AGAP6: variants seen among roughly 807,000 people sequenced by gnomAD.
AGAP6 encodes the protein ArfGAP with GTPase domain, ankyrin repeat and PH domain 6.
AGAP6 carries 29 observed loss-of-function variants against 63.9 expected under a neutral mutation model. The observed-to-expected ratio is 0.45, with a 90% CI of 0.34 to 0.62. The LOEUF (loss-of-function observed/expected upper bound fraction) is 0.62, where lower values mean the gene tolerates loss of function less well. AGAP6 is among the 20% of genes least tolerant of loss of function. The probability of loss-of-function intolerance (pLI) is 0.01; values close to 1 mark genes in which losing one functional copy is unlikely to be tolerated. For missense variants in AGAP6, 493 were observed against 884.9 expected (o/e 0.56, Z 5.62); for synonymous variants, 199 against 332.9 (o/e 0.60, Z 4.38).
intron 6 of AGAP6, among the ~76,000 whole-genome samples, chr10:50,005,299 C>G (rs1265201422): frequency 6.6e-6 from 1 of 152,200 alleles, no homozygotes; most frequent in African/African-American, 2.4e-5. Context: ...CTAGAGCTTT[C>G]TTTGCAATTT....
chr10:49,995,648 T>C (rs1475123939), intron 4 of AGAP6, among the ~76,000 whole-genome samples: 1 of 152,176 alleles, frequency 6.6e-6, no homozygotes, highest in Admixed American at 6.5e-5. Context: ...TTAAAGTCTT[T>C]TGGGATCTCA....
intron 3 of AGAP6, 143 bp from the exon 4 acceptor site, chr10:49,994,252 T>C (rs1312658984): frequency 9.9e-7 from 1 of 1,005,618 alleles, no homozygotes; most frequent in Non-Finnish European, 1.3e-6. Context: ...TGCCAGATAA[T>C]TTAAATTATA....
chr10:50,001,616 TC>T (rs1467549860), intron 4 of AGAP6, among the ~76,000 whole-genome samples: 122 of 114,494 alleles, frequency 1.1e-3, no homozygotes, highest in African/African-American at 3.3e-3. Context: ...AGACGGGGTT[TC>T]ACCATGTTAG....
rs1564704282 is a variant in AGAP6 at position 49,988,910 on chromosome 10, C to G, written c.195C>G (p.His65Gln). The G allele has an allele frequency of 1.3e-6, 2 of 1,599,426 alleles. No individual in the cohort carries two copies. The change falls in exon 1 of 8, where the codon CAC becomes CAG. Residue 65 changes from histidine to glutamine, a missense_variant. This residue lies in a region of AGAP6 where 342 missense variants were observed against 533.4 expected (regional missense o/e 0.64). Coordinates refer to ENST00000412531, the MANE Select transcript of AGAP6 (RefSeq NM_001077665.3). ...AAGTTGGTGAGGACCTCCACATGCA[C>G]CACGTTCGTGACCGGGAGATGCCTG... ...TVEVGEDLHM[H>Q]HVRDREMPEA... is the part of the protein sequence containing the mutation.
At chr10:50,001,272 G>A (rs1476463873) in intron 4 of AGAP6, among the ~76,000 whole-genome samples, 1 of 150,778 alleles carries the variant, frequency 6.6e-6, no homozygotes, top group Non-Finnish European at 1.5e-5. Context: ...GGAGCTTGCA[G>A]TGAGCCGAGA....
intron 4 of AGAP6, among the ~76,000 whole-genome samples, chr10:49,999,241 A>G (rs1382830829): frequency 7.4e-6 from 1 of 134,708 alleles, no homozygotes; most frequent in Non-Finnish European, 1.6e-5. Context: ...CTCCATCTCA[A>G]AAAAAAAAAA....
chr10:49,989,668 A>G (rs542318496), intron 2 of AGAP6, among the ~76,000 whole-genome samples: 2 of 152,214 alleles, frequency 1.3e-5, no homozygotes, highest in East Asian at 3.9e-4. Flanking sequence ...GCTATATGGT[A>G]TTCTTAATGG....
chr10:49,999,152 C>A lies in AGAP6; in HGVS notation c.397-2844C>A, dbSNP rs578164384. ...ACTCAGGTGGCTGAGGCAGGAGAAT[C>A]GCTTGAACCTCGGAGGCAGAGGTTG... On this transcript the variant is annotated intron_variant, in intron 4 of 7. Coordinates refer to ENST00000412531, the MANE Select transcript of AGAP6 (RefSeq NM_001077665.3). Among the ~76,000 whole-genome samples, 6 of 136,920 alleles carry A rather than the reference C, an allele frequency of 4.4e-5. 1 individual carries two copies. Among genetic ancestry groups the A allele is most frequent in the Non-Finnish European group, 9.2e-5 (6 of 65,238 alleles). 89.8% of individuals were successfully genotyped at this position (136,920 alleles called of 152,430 possible).
chr10:49,990,606 G>T (rs1417288059), intron 2 of AGAP6, among the ~76,000 whole-genome samples: 1 of 152,150 alleles, frequency 6.6e-6, no homozygotes, highest in Non-Finnish European at 1.5e-5. Flanking sequence ...GTAATAATAT[G>T]GTTCTTGAAT....
chr10:49,998,994 A>G (rs1174336450), intron 4 of AGAP6, among the ~76,000 whole-genome samples: 2 of 141,350 alleles, frequency 1.4e-5, no homozygotes, highest in African/African-American at 5.4e-5. Context: ...GAGACGGATC[A>G]TGAGGTCAGG....
chr10:49,999,145 G>A (rs1211192352), intron 4 of AGAP6, among the ~76,000 whole-genome samples: 2 of 137,280 alleles, frequency 1.5e-5, no homozygotes, highest in Non-Finnish European at 3.1e-5. Context: ...GGCTGAGGCA[G>A]GAGAATCGCT....
At chr10:50,001,404 T>C (rs1252172025) in intron 4 of AGAP6, among the ~76,000 whole-genome samples, 28 of 112,720 alleles carry the variant, frequency 2.5e-4, no homozygotes, top group African/African-American at 8.2e-4. Context: ...AAAAATGAAA[T>C]CTTATTTTAA....
At chr10:49,991,227 G>C (rs1474061592) in intron 2 of AGAP6, among the ~76,000 whole-genome samples, 2 of 151,654 alleles carry the variant, frequency 1.3e-5, no homozygotes, top group African/African-American at 4.8e-5. Flanking sequence ...GGAAGTGACA[G>C]ATACGATGAA....
intron 4 of AGAP6, among the ~76,000 whole-genome samples, chr10:50,001,409 T>C (rs1180804925): frequency 2.4e-5 from 2 of 84,080 alleles, no homozygotes; most frequent in Non-Finnish European, 5.0e-5. Flanking sequence ...TGAAATCTTA[T>C]TTTAAACTTT....
chr10:50,004,052 G>C (rs1423440747), intron 5 of AGAP6, among the ~76,000 whole-genome samples: 4 of 152,164 alleles, frequency 2.6e-5, no homozygotes, highest in African/African-American at 4.8e-5. Context: ...GGGCGTGGTG[G>C]CACATGCCTG....
chr10:49,999,541 C>T lies in AGAP6; in HGVS notation c.397-2455C>T, dbSNP rs533207937. Among the ~76,000 whole-genome samples, 107 of 131,366 alleles carry T rather than the reference C, an allele frequency of 8.1e-4. 12 individuals carry two copies. The highest frequency in any genetic ancestry group is 3.7e-3 in the Middle Eastern group (1 of 268). The allele number at this position is 131,366 out of a possible 152,430, so 86.2% of individuals were successfully genotyped here. A position where few individuals can be genotyped will look rare whatever the true frequency, so the allele number is the denominator to read the frequency against. ...GGGGGAAAAGTTGAAAGCATTCCCC[C>T]CGAGAACTGGAACAAGACAAGGATG... On this transcript the variant is annotated intron_variant, in intron 4 of 7. Transcript: ENST00000412531.
intron 1 of AGAP6, 138 bp from the exon 2 acceptor site, chr10:49,989,170 T>C (rs1841161967): frequency 2.6e-5 from 38 of 1,452,158 alleles, no homozygotes; most frequent in Non-Finnish European, 3.0e-5. Context: ...CAGTTCTTGC[T>C]CTCTCATCTC....
Position 49,991,749 on chromosome 10 carries a change from G to A in AGAP6, c.361+5G>A, listed in dbSNP as rs186781112. ...AGAGGAACTCTCAAACAGATGGTGA[G>A]ACGACATTGTCTTTTCCACCAAGAG... On this transcript the variant is annotated splice_donor_5th_base_variant and intron_variant, in intron 3 of 7. Transcript: ENST00000412531. 3.4e-5 allele frequency: 55 copies of A among 1,598,334 alleles called. 1 individual carries two copies. The highest frequency in any genetic ancestry group is 2.7e-4 in the African/African-American group (20 of 74,918).
chr10:49,989,076 A>G, intron 1 of AGAP6, 138 bp downstream of exon 1: 3 of 1,539,344 alleles, frequency 1.9e-6, no homozygotes, highest in Admixed American at 1.9e-5. Context: ...CAGGAACAAA[A>G]GCTGGCTCTG....
Sources: gnomAD v4.1 joint callset for allele counts (sites outside exome capture counted in the v4.1 genomes callset) on GRCh38, gnomAD v4.1.1 for gene constraint, gnomAD v4.1.1 regional missense constraint, MANE v1.5 for transcripts, NCBI Gene and HGNC (gene_info 2026-07-23, HGNC 2026-07-21) for gene names.